The following LUZP2 variants were observed in gnomAD, a reference collection of about 807,000 sequenced individuals.
The protein encoded by LUZP2 is leucine zipper protein 2.
Under a neutral mutation model 51.6 loss-of-function variants are expected in LUZP2, and 52 were observed. The ratio of observed to expected loss-of-function variants is 1.01; its 90% CI spans 0.81 to 1.27. The LOEUF is 1.27. LUZP2 is among the 50% of genes most tolerant of loss of function. The pLI, the probability that LUZP2 is intolerant of heterozygous loss-of-function variation, is 0.00. For missense variants in LUZP2, 436 were observed against 395.4 expected, an observed-to-expected ratio of 1.10 and a Z score of -0.87; for synonymous variants, 154 against 137.3, an observed-to-expected ratio of 1.12 and a Z score of -0.85.
chr11:25,027,661 G>A (rs1469289514), intron 9 of LUZP2, among the ~76,000 whole-genome samples: 4 of 151,956 alleles, frequency 2.6e-5, no homozygotes, highest in Non-Finnish European at 4.4e-5. Context: ...CACGAAGTCA[G>A]GAGGTCAAGA....
intron 1 of LUZP2, among the ~76,000 whole-genome samples, chr11:24,516,774 C>A (rs1850477402): frequency 1.3e-5 from 2 of 151,794 alleles, no homozygotes; most frequent in African/African-American, 4.8e-5. Flanking sequence ...GAAGGCAAAT[C>A]TATAATTAGA....
intron 1 of LUZP2, among the ~76,000 whole-genome samples, chr11:24,721,137 G>T (rs1323983332): frequency 6.6e-6 from 1 of 152,176 alleles, no homozygotes; most frequent in Non-Finnish European, 1.5e-5. Flanking sequence ...TGCCTTTGGA[G>T]TGTCACATGA....
At chr11:24,904,408 G>A (rs1442823290) in intron 5 of LUZP2, among the ~76,000 whole-genome samples, 4 of 151,790 alleles carry the variant, frequency 2.6e-5, no homozygotes, top group East Asian at 3.9e-4. Flanking sequence ...TCAGCCTCCC[G>A]AGTAGCTGGG....
chr11:25,034,053 A>T (rs548691710), intron 9 of LUZP2, among the ~76,000 whole-genome samples: 2 of 152,280 alleles, frequency 1.3e-5, no homozygotes, highest in Admixed American at 1.3e-4. Context: ...CCAACAGTGT[A>T]TAAACATTCC....
chr11:24,644,948 C>A lies in LUZP2; in HGVS notation c.63-84221C>A, dbSNP rs1388156104. On this transcript the variant is annotated intron_variant, in intron 1 of 11. Coordinates refer to ENST00000336930, the MANE Select transcript of LUZP2 (RefSeq NM_001009909.4). ...AAAGTACAGCACGTATTTATATTTACTAGGCTGAAGTTTCAGCAGTGACTA... is the reference window on the plus strand; with the variant it reads ...AAAGTACAGCACGTATTTATATTTAATAGGCTGAAGTTTCAGCAGTGACTA... 2.0e-5 allele frequency among the ~76,000 whole-genome samples: 3 copies of A among 152,146 alleles called. No individual in the cohort carries two copies. The East Asian group carries it at 5.8e-4, about 29-fold the overall frequency.
chr11:24,950,063 T>C (rs1855035155), intron 7 of LUZP2, among the ~76,000 whole-genome samples: 1 of 149,760 alleles, frequency 6.7e-6, no homozygotes, highest in Admixed American at 6.7e-5. Flanking sequence ...GATGGGTATA[T>C]GGAGGGAGAG....
chr11:24,515,481 A>T (rs1476001203), intron 1 of LUZP2, among the ~76,000 whole-genome samples: 1 of 152,192 alleles, frequency 6.6e-6, no homozygotes, highest in African/African-American at 2.4e-5. Flanking sequence ...AAATAATGTT[A>T]AGTGCTTGGG....
intron 5 of LUZP2, among the ~76,000 whole-genome samples, chr11:24,822,613 G>T (rs545228630): frequency 6.6e-6 from 1 of 151,980 alleles, no homozygotes; most frequent in Non-Finnish European, 1.5e-5. Flanking sequence ...TGCTCCCTTC[G>T]CTTCCTTCAT....
chr11:24,899,705 G>C (rs1853214546), intron 5 of LUZP2, among the ~76,000 whole-genome samples: 1 of 152,048 alleles, frequency 6.6e-6, no homozygotes, highest in Non-Finnish European at 1.5e-5. Context: ...GAGAAAGAGA[G>C]GCATATTATA....
At chr11:24,557,627 C>T (rs148398605) in intron 1 of LUZP2, among the ~76,000 whole-genome samples, 2 of 152,176 alleles carry the variant, frequency 1.3e-5, no homozygotes, top group East Asian at 1.9e-4. Flanking sequence ...AAATCAAAAC[C>T]TGAGAAGAAA....
At chr11:24,926,397 A>ATATATATATACGTGTG (rs1854257783) in intron 7 of LUZP2, among the ~76,000 whole-genome samples, 1 of 65,252 alleles carries the variant, frequency 1.5e-5, no homozygotes, top group African/African-American at 4.8e-5. Flanking sequence ...ATACGTGTGT[A>ATATATATATACGTGTG]TATATATATA....
At chr11:24,975,072 T>A (rs955264794) in intron 7 of LUZP2, among the ~76,000 whole-genome samples, 1 of 152,010 alleles carries the variant, frequency 6.6e-6, no homozygotes, top group Non-Finnish European at 1.5e-5. Flanking sequence ...AATATTAATA[T>A]GTTGATTAAT....
chr11:24,851,119 A>G (rs1312001791), intron 5 of LUZP2, among the ~76,000 whole-genome samples: 2 of 152,080 alleles, frequency 1.3e-5, no homozygotes, highest in Non-Finnish European at 2.9e-5. Context: ...TCTCTTGCCT[A>G]ATTGCCCTGG....
intron 7 of LUZP2, among the ~76,000 whole-genome samples, chr11:24,923,790 C>T (rs1434824595): frequency 6.6e-6 from 1 of 152,044 alleles, no homozygotes; most frequent in African/African-American, 2.4e-5. Flanking sequence ...TTGAAAGTCA[C>T]CCTGACAATG....
At chr11:24,536,224 A>G (rs1851173608) in intron 1 of LUZP2, among the ~76,000 whole-genome samples, 1 of 151,790 alleles carries the variant, frequency 6.6e-6, no homozygotes, top group Admixed American at 6.6e-5. Context: ...TGAAATGGTC[A>G]GTGAACACTG....
intron 7 of LUZP2, among the ~76,000 whole-genome samples, chr11:24,940,021 A>AT (rs982738753): frequency 1.9e-3 from 274 of 142,846 alleles, no homozygotes; most frequent in African/African-American, 5.5e-3. Context: ...TTCTGGCTCT[A>AT]TTTTTTTTTT....
intron 5 of LUZP2, among the ~76,000 whole-genome samples, chr11:24,826,188 A>ATAT (rs1193136085): frequency 3.9e-4 from 11 of 28,044 alleles, no homozygotes; most frequent in African/African-American, 8.6e-4. Context: ...AAAAAAAAAA[A>ATAT]AAATATATAT....
At chr11:24,725,843 C>A (rs1858454548) in intron 1 of LUZP2, among the ~76,000 whole-genome samples, 1 of 152,036 alleles carries the variant, frequency 6.6e-6, no homozygotes, top group Admixed American at 6.6e-5. Flanking sequence ...GACTCTAAAC[C>A]AATATGACTA....
At chr11:24,603,964 T>G (rs888923358) in intron 1 of LUZP2, among the ~76,000 whole-genome samples, 13 of 151,742 alleles carry the variant, frequency 8.6e-5, no homozygotes, top group African/African-American at 3.1e-4. Flanking sequence ...TTTTAAAAAT[T>G]TTAGGGTAAG....
Sources: gnomAD v4.1 joint callset for allele counts (sites outside exome capture counted in the v4.1 genomes callset) on GRCh38, gnomAD v4.1.1 for gene constraint, MANE v1.5 for transcripts, NCBI Gene and HGNC (gene_info 2026-07-23, HGNC 2026-07-21) for gene names.